CHEK1: variants seen among roughly 807,000 people sequenced by gnomAD.
CHEK1 encodes serine/threonine-protein kinase Chk1.
CHEK1 carries 32 observed loss-of-function variants against 60.2 expected under a neutral mutation model. That is an observed-to-expected ratio of 0.53 (90% confidence interval 0.40 to 0.71). The LOEUF (loss-of-function observed/expected upper bound fraction) is 0.71, where lower values mean the gene tolerates loss of function less well. Ranked by LOEUF, CHEK1 falls within the 30% of genes least tolerant of loss-of-function variation. The pLI, the probability that CHEK1 is intolerant of heterozygous loss-of-function variation, is 0.00. For synonymous variants in CHEK1, 179 were observed against 187.2 expected, an observed-to-expected ratio of 0.96 and a Z score of 0.36; for missense variants, 399 against 564.6, an observed-to-expected ratio of 0.71 and a Z score of 2.97.
chr11:125,645,349 T>C (rs760013487), intron 11 of CHEK1, among the ~76,000 whole-genome samples: 1 of 152,222 alleles, frequency 6.6e-6, no homozygotes, highest in Non-Finnish European at 1.5e-5. Flanking sequence ...TCAATTTTTA[T>C]TGTTTATATT....
At chr11:125,660,753 A>C (rs931753069), downstream of CHEK1, among the ~76,000 whole-genome samples, 1 of 84,564 alleles carries the variant, frequency 1.2e-5, no homozygotes, top group South Asian at 3.6e-4. Flanking sequence ...ATTTATTAAC[A>C]AAAAAAAAAA....
At position 125,656,806 on chromosome 11, in the gene CHEK1, T is replaced by C. The variant is rs1591424417; in HGVS notation, c.*1486T>C. Reference sequence around the variant, plus strand: ...GAAATGTTACTTCCTCTGCAAAGTCTTTCCCTGACTTATCTAAAATAATAA... The same window carrying C: ...GAAATGTTACTTCCTCTGCAAAGTCCTTCCCTGACTTATCTAAAATAATAA... On this transcript the variant is annotated 3_prime_UTR_variant, in exon 13 of 13. Coordinates refer to ENST00000438015, the MANE Select transcript of CHEK1 (RefSeq NM_001114122.3). 9.4e-6 allele frequency: 2 copies of C among 213,428 alleles called. No homozygotes were observed. Among genetic ancestry groups the C allele is most frequent in the East Asian group, 7.0e-5 (1 of 14,264 alleles). 13.2% of individuals were successfully genotyped at this position (213,428 alleles called of 1,614,324 possible).
Position 125,653,681 on chromosome 11 carries a change from A to G in CHEK1, c.1234-65A>G, listed in dbSNP as rs775826675. 1.2e-5 allele frequency: 9 copies of G among 774,790 alleles called. No individual in the cohort carries two copies. The highest frequency in any genetic ancestry group is 8.0e-5 in the South Asian group (5 of 62,866). 48.0% of individuals were successfully genotyped at this position (774,790 alleles called of 1,614,324 possible). A position where few individuals can be genotyped will look rare whatever the true frequency, so the allele number is the denominator to read the frequency against. On this transcript the variant is annotated intron_variant, in intron 11 of 12. Transcript: ENST00000438015. The surrounding 1 kb of genome is among the most constrained non-coding windows in gnomAD (Gnocchi z 4.3). ...TTGAGAAACTTCTATTCTGTTCTTC[A>G]TAGTGGGTTTACTAGTTTATTATCT...
downstream of CHEK1, among the ~76,000 whole-genome samples, chr11:125,678,608 A>C (rs1180987501): frequency 1.3e-5 from 2 of 152,102 alleles, no homozygotes; most frequent in Non-Finnish European, 2.9e-5. Flanking sequence ...AAGGAAAATG[A>C]ATGTGCCTCC....
downstream of CHEK1, among the ~76,000 whole-genome samples, chr11:125,660,463 C>T (rs778170713): frequency 1.3e-5 from 2 of 152,006 alleles, no homozygotes; most frequent in Non-Finnish European, 2.9e-5. Context: ...TAGGCTCAAG[C>T]GATCTTCCTG....
chr11:125,661,957 G>A (rs138808824), downstream of CHEK1, among the ~76,000 whole-genome samples: 870 of 152,156 alleles, frequency 5.7e-3, 8 homozygotes, highest in Non-Finnish European at 8.5e-3. Flanking sequence ...ATAATATAAC[G>A]AGGATATTGG....
At chr11:125,654,279 G>A (rs1023877432) in intron 12 of CHEK1, among the ~76,000 whole-genome samples, 15 of 152,072 alleles carry the variant, frequency 9.9e-5, no homozygotes, top group Admixed American at 4.6e-4. Context: ...GCAGTGAGCC[G>A]AGATGACGCC....
In CHEK1 at chr11:125,653,293, C is replaced by T. The variant is rs1941799953; in HGVS notation, c.1234-453C>T. Among the ~76,000 whole-genome samples, 1 of 152,212 alleles carries T rather than the reference C, an allele frequency of 6.6e-6. No individual in the cohort carries two copies. The highest frequency in any genetic ancestry group is 1.5e-5 in the Non-Finnish European group (1 of 68,038). On this transcript the variant is annotated intron_variant, in intron 11 of 12. Coordinates refer to ENST00000438015, the MANE Select transcript of CHEK1 (RefSeq NM_001114122.3). The surrounding 1 kb of genome is among the most constrained non-coding windows in gnomAD (Gnocchi z 4.3). ...GCAGTGGCGCAATCATAGCTCACTGCAGCTTCAACCTCCTGGGCTCAAGTG... is the reference window on the plus strand; with the variant it reads ...GCAGTGGCGCAATCATAGCTCACTGTAGCTTCAACCTCCTGGGCTCAAGTG...
At chr11:125,678,016 C>T, downstream of CHEK1, 2 of 1,614,136 alleles carry the variant, frequency 1.2e-6, no homozygotes, top group Non-Finnish European at 1.7e-6. Flanking sequence ...GAAGGCTGCT[C>T]ACCTACAGTA....
chr11:125,647,153 T>C (rs904348499), intron 11 of CHEK1, among the ~76,000 whole-genome samples: 9 of 152,168 alleles, frequency 5.9e-5, no homozygotes, highest in African/African-American at 2.2e-4. Context: ...TCTTTGTCCA[T>C]TTTGAGTTAA....
At chr11:125,657,893 T>C (rs955053004), downstream of CHEK1, among the ~76,000 whole-genome samples, 2 of 141,882 alleles carry the variant, frequency 1.4e-5, no homozygotes, top group African/African-American at 5.3e-5. Context: ...AACTGTTTTC[T>C]AAAGTGATTG....
At chr11:125,651,220 C>T (rs942250974) in intron 11 of CHEK1, among the ~76,000 whole-genome samples, 6 of 151,568 alleles carry the variant, frequency 4.0e-5, no homozygotes, top group Non-Finnish European at 5.9e-5. Flanking sequence ...TTTCAGCAAA[C>T]GCTACTCAGG....
In CHEK1 at chr11:125,625,768, C is replaced by G; in HGVS notation, c.-265C>G. The G allele has an allele frequency of 1.5e-6, 1 of 688,116 alleles. No individual in the cohort carries two copies. The highest frequency in any genetic ancestry group is 1.5e-5 in the South Asian group (1 of 67,318). The allele number at this position is 688,116 out of a possible 1,614,324, so 42.6% of individuals were successfully genotyped here. ...AGAGCTCAATTCGCGCCGATGCGGT[C>G]CGCCGTCCTTAAATCTCTTCAGCCA... On this transcript the variant is annotated 5_prime_UTR_variant, in exon 1 of 13. Transcript: ENST00000438015.
At chr11:125,667,856 A>T (rs1942126737) in intron 13 of CHEK1, among the ~76,000 whole-genome samples, 1 of 152,036 alleles carries the variant, frequency 6.6e-6, no homozygotes, top group African/African-American at 2.4e-5. Context: ...CCTGACCTCA[A>T]ATGATCCACC....
At chr11:125,669,521 C>CT (rs1942158189) in intron 13 of CHEK1, among the ~76,000 whole-genome samples, 1 of 135,830 alleles carries the variant, frequency 7.4e-6, no homozygotes, top group Admixed American at 7.4e-5. Flanking sequence ...TTTCTTTTTT[C>CT]CTTTTTTTTT....
chr11:125,662,442 C>G (rs1294709803), intron 13 of CHEK1, among the ~76,000 whole-genome samples: 1 of 152,176 alleles, frequency 6.6e-6, no homozygotes, highest in Non-Finnish European at 1.5e-5. Flanking sequence ...ATTAATTTGT[C>G]TGGAGGGGAA....
chr11:125,657,475 G>GA (rs541019630), downstream of CHEK1, among the ~76,000 whole-genome samples: 971 of 152,186 alleles, frequency 6.4e-3, 6 homozygotes, highest in Non-Finnish European at 7.1e-3. Context: ...CTTTCCCCCA[G>GA]AAATAATCAC....
intron 3 of CHEK1, among the ~76,000 whole-genome samples, chr11:125,628,786 A>G (rs1035901367): frequency 2.0e-5 from 3 of 152,220 alleles, no homozygotes; most frequent in Admixed American, 2.0e-4. Flanking sequence ...TATCTCTAAA[A>G]AAAGTTAAAT....
At chr11:125,680,901 A>G, downstream of CHEK1, 1 of 798,738 alleles carries the variant, frequency 1.3e-6, no homozygotes, top group Non-Finnish European at 2.1e-6. Context: ...CTAGAACCTC[A>G]GAAGTAACCC....
Sources: allele counts gnomAD v4.1 joint callset (sites outside exome capture counted in the v4.1 genomes callset), GRCh38; gene constraint gnomAD v4.1.1; non-coding constraint Gnocchi (gnomAD v3.1); transcripts MANE v1.5; gene names NCBI Gene and HGNC (gene_info 2026-07-23, HGNC 2026-07-21).